Variants in ASAP2 observed in about 807,000 individuals in gnomAD.
ASAP2 encodes arf-GAP with SH3 domain, ANK repeat and PH domain-containing protein 2.
ASAP2 carries 45 observed loss-of-function variants against 131.4 expected under a neutral mutation model. That is an observed-to-expected ratio of 0.34 (90% CI 0.27 to 0.44). ASAP2 has a LOEUF of 0.44. Ranked by LOEUF, ASAP2 falls within the 20% of genes least tolerant of loss-of-function variation. The pLI, the probability that ASAP2 is intolerant of heterozygous loss-of-function variation, is 1.00. For synonymous variants in ASAP2, 510 were observed against 503.0 expected, an observed-to-expected ratio of 1.01 and a Z score of -0.19; for missense variants, 1,011 against 1,297.0, an observed-to-expected ratio of 0.78 and a Z score of 3.39.
chr2:9,214,198 G>T (rs1175253959), intron 1 of ASAP2, among the ~76,000 whole-genome samples: 1 of 152,140 alleles, frequency 6.6e-6, no homozygotes, highest in Non-Finnish European at 1.5e-5. Flanking sequence ...CCTCCAAGTG[G>T]ATTGCTAGGG....
intron 9 of ASAP2, among the ~76,000 whole-genome samples, chr2:9,343,441 G>T (rs1270038802): frequency 4.6e-5 from 7 of 151,988 alleles, no homozygotes; most frequent in Non-Finnish European, 7.4e-5. Context: ...GCTACTGTTT[G>T]TTTTGTTTGG....
At chr2:9,393,713 C>G in intron 24 of ASAP2, 66 bp downstream of exon 24, 1 of 1,456,558 alleles carries the variant, frequency 6.9e-7, no homozygotes, top group Non-Finnish European at 9.2e-7. Flanking sequence ...GCCCAGGGCT[C>G]TGCAGGAATG....
At chr2:9,282,704 A>G (rs1489314375) in intron 2 of ASAP2, among the ~76,000 whole-genome samples, 2 of 152,192 alleles carry the variant, frequency 1.3e-5, no homozygotes, top group African/African-American at 4.8e-5. Context: ...TTTATGTACG[A>G]TTGAAAGAAC....
intron 1 of ASAP2, among the ~76,000 whole-genome samples, chr2:9,229,077 AGG>A (rs1662970172): frequency 6.6e-6 from 1 of 152,158 alleles, no homozygotes; most frequent in Non-Finnish European, 1.5e-5. Flanking sequence ...GTGGACAATC[AGG>A]ATAGAGACAG....
At chr2:9,292,411 G>A (rs1046038589) in intron 2 of ASAP2, among the ~76,000 whole-genome samples, 3 of 152,004 alleles carry the variant, frequency 2.0e-5, no homozygotes, top group Admixed American at 6.6e-5. Flanking sequence ...TCAGCTACTC[G>A]GGAGGCTGAG....
At chr2:9,289,574 C>T (rs1478435834) in intron 2 of ASAP2, among the ~76,000 whole-genome samples, 1 of 152,144 alleles carries the variant, frequency 6.6e-6, no homozygotes, top group African/African-American at 2.4e-5. Flanking sequence ...GCCCAGTCTC[C>T]ACTCTTCACC....
chr2:9,319,857 T>C (rs10203328), intron 4 of ASAP2, among the ~76,000 whole-genome samples: 1 of 151,976 alleles, frequency 6.6e-6, no homozygotes, highest in Non-Finnish European at 1.5e-5. Context: ...TCTATTTCTG[T>C]CGTTGGGCTT....
At chr2:9,315,862 C>T (rs901707112) in intron 3 of ASAP2, among the ~76,000 whole-genome samples, 38 of 152,256 alleles carry the variant, frequency 2.5e-4, no homozygotes, top group African/African-American at 8.2e-4. Context: ...AGGCCAGGTA[C>T]GTGAGAAATG....
chr2:9,208,710 A>G (rs1228725598), intron 1 of ASAP2, among the ~76,000 whole-genome samples: 2 of 152,232 alleles, frequency 1.3e-5, no homozygotes, highest in Admixed American at 6.5e-5. Context: ...TGATGCCTTC[A>G]AATGAGGCAG....
intron 3 of ASAP2, among the ~76,000 whole-genome samples, chr2:9,317,744 A>G (rs573349159): frequency 6.7e-6 from 1 of 150,270 alleles, no homozygotes; most frequent in African/African-American, 2.5e-5. Context: ...TCACATCCAC[A>G]CTCACACTCA....
intron 1 of ASAP2, among the ~76,000 whole-genome samples, chr2:9,265,693 T>C (rs1019469259): frequency 1.3e-5 from 2 of 152,196 alleles, no homozygotes; most frequent in African/African-American, 2.4e-5. Flanking sequence ...TAAGTATTTT[T>C]TTCTTTGCTT....
At chr2:9,347,758 G>A (rs114219704) in intron 11 of ASAP2, among the ~76,000 whole-genome samples, 217 of 152,240 alleles carry the variant, frequency 1.4e-3, no homozygotes, top group African/African-American at 4.9e-3. Context: ...TGCCAGATTC[G>A]CAGGATTGCC....
intron 6 of ASAP2, among the ~76,000 whole-genome samples, chr2:9,327,476 G>T (rs1670554544): frequency 2.0e-5 from 3 of 152,144 alleles, no homozygotes; most frequent in Admixed American, 1.3e-4. Flanking sequence ...TAAAGTAAGG[G>T]ACCTTGGGCA....
intron 17 of ASAP2, among the ~76,000 whole-genome samples, chr2:9,376,506 A>G (rs1017891453): frequency 6.6e-6 from 1 of 152,378 alleles, no homozygotes; most frequent in African/African-American, 2.4e-5. Context: ...TGCTTAAGAA[A>G]CATATGTTTC....
intron 1 of ASAP2, among the ~76,000 whole-genome samples, chr2:9,262,871 G>A (rs1053651224): frequency 2.0e-4 from 31 of 152,188 alleles, no homozygotes; most frequent in African/African-American, 7.0e-4. Context: ...TCTCTTTCAC[G>A]CGGGGTTCAG....
intron 3 of ASAP2, among the ~76,000 whole-genome samples, chr2:9,310,784 C>A (rs1434234535): frequency 6.6e-6 from 1 of 152,150 alleles, no homozygotes; most frequent in African/African-American, 2.4e-5. Context: ...CCACCATCCA[C>A]CCCCACCAAA....
At chr2:9,214,493 G>A (rs1377287672) in intron 1 of ASAP2, among the ~76,000 whole-genome samples, 1 of 152,182 alleles carries the variant, frequency 6.6e-6, no homozygotes, top group Non-Finnish European at 1.5e-5. Context: ...GCCCACCTCG[G>A]CCTCACAAAG....
At chr2:9,302,721 C>T (rs184725311) in intron 3 of ASAP2, among the ~76,000 whole-genome samples, 99 of 152,220 alleles carry the variant, frequency 6.5e-4, no homozygotes, top group African/African-American at 2.2e-3. Flanking sequence ...GTGATCCACC[C>T]GCCTGGGTCT....
chr2:9,353,777 C>G (rs1005318493), intron 12 of ASAP2, among the ~76,000 whole-genome samples: 1 of 152,070 alleles, frequency 6.6e-6, no homozygotes, highest in African/African-American at 2.4e-5. Context: ...TGTTCCTTTA[C>G]CATCCTTGCT....
Sources: gnomAD v4.1 joint callset for allele counts (sites outside exome capture counted in the v4.1 genomes callset) on GRCh38, gnomAD v4.1.1 for gene constraint, MANE v1.5 for transcripts, NCBI Gene and HGNC (gene_info 2026-07-23, HGNC 2026-07-21) for gene names.